The following CD58 variants were observed in gnomAD, a reference collection of about 807,000 sequenced individuals.
The protein encoded by CD58 is lymphocyte function-associated antigen 3.
Under a neutral mutation model 27.6 loss-of-function variants are expected in CD58, and 14 were observed. That is an observed-to-expected ratio of 0.51 (90% CI 0.34 to 0.79). The LOEUF is 0.79. Among genes scored for constraint, CD58 ranks in the 30% least tolerant of loss-of-function variants. CD58 has a pLI of 0.02. For missense variants in CD58, 268 were observed against 301.7 expected (o/e 0.89, Z 0.83); for synonymous variants, 117 against 103.8 (o/e 1.13, Z -0.77).
intron 1 of CD58, among the ~76,000 whole-genome samples, chr1:116,558,321 A>C (rs1658647408): frequency 6.6e-6 from 1 of 152,198 alleles, no homozygotes; most frequent in African/African-American, 2.4e-5. Context: ...TTTTGCTCCC[A>C]AGTGAGCAGA....
At position 116,557,956 on chromosome 1, in the gene CD58, G is replaced by A. The variant is rs147298306; in HGVS notation, c.70+12947C>T. Among the ~76,000 whole-genome samples the A allele has an allele frequency of 9.2e-5, 14 of 152,200 alleles. No homozygotes were observed. In the East Asian group the frequency reaches 2.7e-3, roughly 29 times the overall value. On this transcript the variant is annotated intron_variant, in intron 1 of 5. Transcript: ENST00000369489. This position sits in a 1 kb window ranked among gnomAD's most constrained non-coding sequence, Gnocchi z 5.2. ...TCTGAAGTGCTGAGATTACAAGCAT[G>A]AGCCACCATGCCCAGCCAATGCCAT...
intron 1 of CD58, among the ~76,000 whole-genome samples, chr1:116,548,484 A>G (rs779601754): frequency 2.0e-5 from 3 of 152,216 alleles, no homozygotes; most frequent in Non-Finnish European, 2.9e-5. Context: ...ATAAGGTGAA[A>G]GATGAGGATC....
Position 116,523,861 on chromosome 1 carries a change from C to T in CD58, c.629-1878G>A, listed in dbSNP as rs567612020. ...GCATTTGATTCTTCTCTTTCTTTAT[C>T]GTTTTTCAAAATAATGAGTTAGCTC... On this transcript the variant is annotated intron_variant, in intron 3 of 5. Coordinates refer to ENST00000369489, the MANE Select transcript of CD58 (RefSeq NM_001779.3). This position sits in a 1 kb window ranked among gnomAD's most constrained non-coding sequence, Gnocchi z 4.4. 3.3e-5 allele frequency among the ~76,000 whole-genome samples: 5 copies of T among 152,180 alleles called. No individual in the cohort carries two copies. Among genetic ancestry groups the T allele is most frequent in the Non-Finnish European group, 7.3e-5 (5 of 68,034 alleles).
chr1:116,533,053 G>A, intron 3 of CD58: 2 of 725,934 alleles, frequency 2.8e-6, no homozygotes, highest in East Asian at 2.7e-5. Context: ...CTTCACCTTC[G>A]TCAAAATTGT....
Position 116,523,780 on chromosome 1 carries a change from A to G in CD58, c.629-1797T>C, listed in dbSNP as rs1310645043. ...AACTACAATCTTCACATAAAGATAA[A>G]CTGCCCCTCATCAACAATGTGGTTA... On this transcript the variant is annotated intron_variant, in intron 3 of 5. Transcript: ENST00000369489. The surrounding 1 kb of genome is among the most constrained non-coding windows in gnomAD (Gnocchi z 4.4). 6.6e-6 allele frequency among the ~76,000 whole-genome samples: 1 copy of G among 152,214 alleles called. No individual in the cohort carries two copies. Among genetic ancestry groups the G allele is most frequent in the Non-Finnish European group, 1.5e-5 (1 of 68,040 alleles).
At chr1:116,518,854 G>A in intron 5 of CD58, 1 of 1,072,322 alleles carries the variant, frequency 9.3e-7, no homozygotes. Flanking sequence ...GTGTATTGTA[G>A]TGGTTAACAG....
intron 3 of CD58, among the ~76,000 whole-genome samples, chr1:116,530,619 A>C (rs1657572991): frequency 6.6e-6 from 1 of 152,224 alleles, no homozygotes; most frequent in South Asian, 2.1e-4. Flanking sequence ...AGAGCAGGCT[A>C]GTCAATGTGA....
chr1:116,537,561 A>G (rs1039823701), intron 2 of CD58, among the ~76,000 whole-genome samples: 5 of 152,098 alleles, frequency 3.3e-5, no homozygotes, highest in Non-Finnish European at 7.4e-5. Flanking sequence ...TGTGTCACAG[A>G]CCTGCCTGTC....
Position 116,544,395 on chromosome 1 carries a change from T to C in CD58, c.280A>G (p.Asn94Asp), listed in dbSNP as rs561344548. 6.2e-7 allele frequency: 1 copy of C among 1,612,564 alleles called. No homozygotes were observed. The highest frequency in any genetic ancestry group is 2.2e-5 in the East Asian group (1 of 44,850). The change falls in exon 2 of 6, where the codon AAC becomes GAC. Residue 94 changes from asparagine to aspartate, a missense_variant. Physicochemically the swap from Asn to Asp is conservative, Grantham distance 23. Transcript: ENST00000369489. ...TCATCTTCATCTGATGATGTTAAGT[T>C]GTAGATAGTGAGGCTACCTGACACA... ...DTVSGSLTIY[N>D]LTSSDEDEYE...
At chr1:116,537,193 T>C (rs766269454) in intron 2 of CD58, among the ~76,000 whole-genome samples, 1 of 152,188 alleles carries the variant, frequency 6.6e-6, no homozygotes, top group Non-Finnish European at 1.5e-5. Context: ...TGAGTTATAA[T>C]TGTGCCAGTG....
At chr1:116,566,171 G>A (rs1007299013) in intron 1 of CD58, among the ~76,000 whole-genome samples, 3 of 152,134 alleles carry the variant, frequency 2.0e-5, no homozygotes, top group African/African-American at 7.2e-5. Flanking sequence ...AAAATAAAAG[G>A]AACTGTAAAG....
rs1658610624 is a variant in CD58, at chr1:116,557,745, C to T, written c.71-13141G>A. On this transcript the variant is annotated intron_variant, in intron 1 of 5. Transcript: ENST00000369489. The surrounding 1 kb of genome is among the most constrained non-coding windows in gnomAD (Gnocchi z 5.2). ...TTGGTGTGCAGTGGTGCAATCGTGG[C>T]TCACTGTAGCTTCAACCTCCTGGGC... Among the ~76,000 whole-genome samples, 1 of 151,900 alleles carries T rather than the reference C, an allele frequency of 6.6e-6. No individual in the cohort carries two copies. The highest frequency in any genetic ancestry group is 1.5e-5 in the Non-Finnish European group (1 of 68,002).
Position 116,563,371 on chromosome 1 carries a change from C to G in CD58, c.70+7532G>C, listed in dbSNP as rs867868744. Among the ~76,000 whole-genome samples, 6 of 150,760 alleles carry G rather than the reference C, an allele frequency of 4.0e-5. No individual in the cohort carries two copies. The highest frequency in any genetic ancestry group is 8.9e-5 in the Non-Finnish European group (6 of 67,626). ...CGGTGCAAGCTCTCGGTGGATCTAC[C>G]ATTCCGGGGTCTGGTGGATGATGGC... On this transcript the variant is annotated intron_variant, in intron 1 of 5. Coordinates refer to ENST00000369489, the MANE Select transcript of CD58 (RefSeq NM_001779.3). This position sits in a 1 kb window ranked among gnomAD's most constrained non-coding sequence, Gnocchi z 4.1.
At chr1:116,543,085 G>A (rs1658044274) in intron 2 of CD58, among the ~76,000 whole-genome samples, 1 of 152,208 alleles carries the variant, frequency 6.6e-6, no homozygotes, top group African/African-American at 2.4e-5. Flanking sequence ...GCAACCACAT[G>A]GGTGTGAGCA....
Position 116,541,161 on chromosome 1 carries a change from T to G in CD58, c.364+3150A>C, listed in dbSNP as rs539886271. ...GTTCATCAAGTTTAAGAGGAGAAAT[T>G]TATTCAAATGTTTTGAATTAGTTTT... On this transcript the variant is annotated intron_variant, in intron 2 of 5. Transcript: ENST00000369489. This position sits in a 1 kb window ranked among gnomAD's most constrained non-coding sequence, Gnocchi z 5.3. 2.6e-5 allele frequency among the ~76,000 whole-genome samples: 4 copies of G among 152,346 alleles called. No homozygotes were observed. The East Asian group carries it at 5.8e-4, about 22-fold the overall frequency.
At position 116,570,476 on chromosome 1, in the gene CD58, C is replaced by T. The variant is rs1168281956; in HGVS notation, c.70+427G>A. Among the ~76,000 whole-genome samples, 3 of 152,002 alleles carry T rather than the reference C, an allele frequency of 2.0e-5. No homozygotes were observed. The highest frequency in any genetic ancestry group is 7.2e-5 in the African/African-American group (3 of 41,428). On this transcript the variant is annotated intron_variant, in intron 1 of 5. Coordinates refer to ENST00000369489, the MANE Select transcript of CD58 (RefSeq NM_001779.3). This position sits in a 1 kb window ranked among gnomAD's most constrained non-coding sequence, Gnocchi z 6.4. ...ACCGCGCGGGGAGGGCAGCAGGCGT[C>T]GCCCTCGAGCAGGTGGCATCCGCGC...
rs1185723888 is a variant in CD58 at position 116,517,890 on chromosome 1, T to C, written c.743+1341A>G. ...CCTGTCAAAGCAAAAATTCATAATT[T>C]TCCTTCCCAACCAAGATTCCTGTGT... On this transcript the variant is annotated intron_variant, in intron 5 of 5. Transcript: ENST00000369489. The surrounding 1 kb of genome is among the most constrained non-coding windows in gnomAD (Gnocchi z 6.5). Among the ~76,000 whole-genome samples the C allele has an allele frequency of 6.6e-6, 1 of 152,194 alleles. No homozygotes were observed. Among genetic ancestry groups the C allele is most frequent in the Admixed American group, 6.5e-5 (1 of 15,282 alleles).
intron 1 of CD58, chr1:116,560,177 C>A (rs1658710861): frequency 6.6e-6 from 1 of 152,142 alleles, no homozygotes; most frequent in African/African-American, 2.4e-5. Flanking sequence ...ATTAATTTCA[C>A]ATGTTCCATA....
chr1:116,566,267 A>G (rs569344003), intron 1 of CD58, among the ~76,000 whole-genome samples: 1 of 152,356 alleles, frequency 6.6e-6, no homozygotes, highest in Non-Finnish European at 1.5e-5. Context: ...AATGTAGATT[A>G]GGAAAATATA....
Sources: gnomAD v4.1 joint callset for allele counts (sites outside exome capture counted in the v4.1 genomes callset) on GRCh38, gnomAD v4.1.1 for gene constraint, Gnocchi (gnomAD v3.1) non-coding constraint, MANE v1.5 for transcripts, NCBI Gene and HGNC (gene_info 2026-07-23, HGNC 2026-07-21) for gene names.